C9orf153: variants seen among roughly 807,000 people sequenced by gnomAD.
The protein encoded by C9orf153 is chromosome 9 open reading frame 153, also known as uncharacterized protein C9orf153.
In C9orf153, 10 loss-of-function variants were observed where a neutral mutation model predicts 9.0. The observed-to-expected ratio is 1.11, with a 90% CI of 0.69 to 1.89. The LOEUF is 1.89. Ranked by LOEUF, C9orf153 falls within the 40% of genes most tolerant of loss-of-function variation. C9orf153 has a pLI of 0.00. For synonymous variants in C9orf153, 35 were observed against 37.3 expected (o/e 0.94, Z 0.23); for missense variants, 108 against 111.0 (o/e 0.97, Z 0.12).
At chr9:86,243,056 G>GT (rs772555208) in intron 1 of C9orf153, among the ~76,000 whole-genome samples, 2 of 152,164 alleles carry the variant, frequency 1.3e-5, no homozygotes, top group Non-Finnish European at 2.9e-5. Context: ...TATTTTGAAT[G>GT]TTTTCCACTA....
At chr9:86,234,024 A>C (rs1824528059) in intron 1 of C9orf153, among the ~76,000 whole-genome samples, 1 of 152,136 alleles carries the variant, frequency 6.6e-6, no homozygotes, top group Non-Finnish European at 1.5e-5. Context: ...TGGAAGTCGC[A>C]GTGAGCTGAG....
rs759882168 is a variant in C9orf153 at position 86,229,559 on chromosome 9, T to C, written c.45A>G (p.Glu15=). ...ATACTGAACATTGAGGAAGGGTGGC[T>C]TCTCTATTGTCCTCAGCTGGACTGG... ...GDTSPAEDNR[E]ATLPQCSLPE... The change falls in exon 2 of 4, where the codon GAA becomes GAG. Residue 15 remains glutamate, a synonymous_variant. Coordinates refer to ENST00000339137, the MANE Select transcript of C9orf153 (RefSeq NM_001276366.4). 13 of 1,612,414 alleles carry C rather than the reference T, an allele frequency of 8.1e-6. No homozygotes were observed. The highest frequency in any genetic ancestry group is 8.5e-6 in the Non-Finnish European group (10 of 1,178,458).
At chr9:86,236,940 A>T (rs1451176288) in intron 1 of C9orf153, among the ~76,000 whole-genome samples, 24 of 130,066 alleles carry the variant, frequency 1.8e-4, no homozygotes, top group African/African-American at 8.1e-4. Context: ...GTCTCTAAAT[A>T]AAAAAAAAAA....
Position 86,253,799 on chromosome 9 carries a change from G to A in C9orf153, c.-27+5751C>T, listed in dbSNP as rs535516189. Among the ~76,000 whole-genome samples, 132 of 152,254 alleles carry A rather than the reference G, an allele frequency of 8.7e-4. 2 individuals are homozygous for A. The South Asian group carries it at 0.027, about 31-fold the overall frequency. On this transcript the variant is annotated intron_variant, in intron 1 of 3. Coordinates refer to ENST00000339137, the MANE Select transcript of C9orf153 (RefSeq NM_001276366.4). Reference sequence around the variant, plus strand: ...TGCAATAAGTCAGCAAGTATAATAAGACTACAATTTGGCTGGGCGTGGTGG... The same window carrying A: ...TGCAATAAGTCAGCAAGTATAATAAAACTACAATTTGGCTGGGCGTGGTGG...
chr9:86,222,438 A>C (rs1824226045), intron 3 of C9orf153, among the ~76,000 whole-genome samples: 1 of 152,142 alleles, frequency 6.6e-6, no homozygotes, highest in African/African-American at 2.4e-5. Flanking sequence ...TTAGAAGTGC[A>C]CAGATTGTTA....
At chr9:86,222,453 C>A (rs979036428) in intron 3 of C9orf153, among the ~76,000 whole-genome samples, 2 of 152,114 alleles carry the variant, frequency 1.3e-5, no homozygotes, top group Non-Finnish European at 2.9e-5. Flanking sequence ...TTGTTAGTGT[C>A]ATTTCTTCCA....
intron 1 of C9orf153, among the ~76,000 whole-genome samples, chr9:86,251,461 A>G (rs1009813169): frequency 5.9e-5 from 9 of 152,242 alleles, no homozygotes; most frequent in African/African-American, 2.2e-4. Context: ...TAACTTTGTA[A>G]TTAATATATA....
At chr9:86,226,465 GTGCA>G (rs1352965181) in intron 3 of C9orf153, among the ~76,000 whole-genome samples, 1 of 151,958 alleles carries the variant, frequency 6.6e-6, no homozygotes, top group East Asian at 1.9e-4. Context: ...GGGACTACCG[GTGCA>G]TGCTACCACA....
Position 86,229,580 on chromosome 9 carries a change from A to C in C9orf153, c.24T>G (p.Ser8Arg). The C allele has an allele frequency of 1.2e-6, 2 of 1,613,028 alleles. No individual in the cohort carries two copies. Among genetic ancestry groups the C allele is most frequent in the Non-Finnish European group, 8.5e-7 (1 of 1,179,054 alleles). MFLTGDT[S>R]PAEDNREATL... is the part of the protein sequence containing the mutation. ...TGGCTTCTCTATTGTCCTCAGCTGG[A>C]CTGGTGTCTCCAGTGAGGAACATCG... The change falls in exon 2 of 4, where the codon AGT becomes AGG. Residue 8 changes from serine (S) to arginine (R), a missense_variant. Transcript: ENST00000339137.
At chr9:86,258,518 A>C (rs1825176335) in intron 1 of C9orf153, 1 of 152,086 alleles carries the variant, frequency 6.6e-6, no homozygotes, top group Non-Finnish European at 1.5e-5. Context: ...GGTTGTCCGC[A>C]GCGTCTGGAA....
intron 3 of C9orf153, chr9:86,227,359 T>A (rs768503689): frequency 6.5e-7 from 1 of 1,534,944 alleles, no homozygotes; most frequent in Non-Finnish European, 8.8e-7. Flanking sequence ...GGAGATGGGG[T>A]CTTTCTATGT....
In C9orf153 at chr9:86,232,769, G is replaced by T. The variant is rs534683459; in HGVS notation, c.-26-3140C>A. ...TTTTTTTGAGATAGAGTCTCACTCT[G>T]TCACCCAGGCTGGAGTACAGTGGCA... On this transcript the variant is annotated intron_variant, in intron 1 of 3. Coordinates refer to ENST00000339137, the MANE Select transcript of C9orf153 (RefSeq NM_001276366.4). Among the ~76,000 whole-genome samples the T allele has an allele frequency of 1.6e-3, 236 of 152,128 alleles. 9 individuals are homozygous for T. The highest frequency in any genetic ancestry group is 1.9e-3 in the Non-Finnish European group (129 of 68,014).
chr9:86,232,889 C>T (rs569934248), intron 1 of C9orf153, among the ~76,000 whole-genome samples: 3 of 152,108 alleles, frequency 2.0e-5, no homozygotes, highest in East Asian at 1.9e-4. Flanking sequence ...AGCGCCACCA[C>T]ACCCGGCTAA....
At chr9:86,228,601 A>C (rs1435407663) in intron 2 of C9orf153, among the ~76,000 whole-genome samples, 1 of 152,168 alleles carries the variant, frequency 6.6e-6, no homozygotes, top group East Asian at 1.9e-4. Flanking sequence ...TGGCAGAAAA[A>C]AACAGTAACA....
chr9:86,256,487 C>T (rs1825125319), intron 1 of C9orf153, among the ~76,000 whole-genome samples: 1 of 152,224 alleles, frequency 6.6e-6, no homozygotes, highest in African/African-American at 2.4e-5. Context: ...TTAATGTCAT[C>T]TTCGTGGAAA....
chr9:86,245,931 C>A (rs1048216750), intron 1 of C9orf153, among the ~76,000 whole-genome samples: 1 of 152,218 alleles, frequency 6.6e-6, no homozygotes, highest in Non-Finnish European at 1.5e-5. Context: ...CCTGATGATA[C>A]TTGGGCACTG....
intron 1 of C9orf153, among the ~76,000 whole-genome samples, chr9:86,246,057 C>T (rs1824857457): frequency 6.6e-6 from 1 of 152,180 alleles, no homozygotes; most frequent in South Asian, 2.1e-4. Context: ...TGTTTGGTGG[C>T]CCTGCCAGGT....
chr9:86,248,236 C>T (rs916865682), intron 1 of C9orf153, among the ~76,000 whole-genome samples: 5 of 151,962 alleles, frequency 3.3e-5, no homozygotes, highest in South Asian at 2.1e-4. Flanking sequence ...TGGGTTCAAG[C>T]GATTCTCCTG....
chr9:86,259,163 G>T (rs142533040), intron 1 of C9orf153, among the ~76,000 whole-genome samples: 61 of 152,102 alleles, frequency 4.0e-4, no homozygotes, highest in African/African-American at 1.4e-3. Flanking sequence ...AAGTGGCAGA[G>T]GAAAAACAAA....
Sources: allele counts gnomAD v4.1 joint callset (sites outside exome capture counted in the v4.1 genomes callset), GRCh38; gene constraint gnomAD v4.1.1; transcripts MANE v1.5; gene names NCBI Gene and HGNC (gene_info 2026-07-23, HGNC 2026-07-21).